KIF16B: variants seen among roughly 807,000 people sequenced by gnomAD.
KIF16B encodes kinesin-like protein KIF16B.
Under a neutral mutation model 156.3 loss-of-function variants are expected in KIF16B, and 98 were observed. The ratio of observed to expected loss-of-function variants is 0.63; its 90% CI spans 0.53 to 0.74. KIF16B has a LOEUF of 0.74. KIF16B is among the 30% of genes least tolerant of loss of function. The pLI, the probability that KIF16B is intolerant of heterozygous loss-of-function variation, is 0.00. For synonymous variants in KIF16B, 564 were observed against 583.7 expected (o/e 0.97, Z 0.49); for missense variants, 1,421 against 1,606.5 (o/e 0.88, Z 1.97).
chr20:16,468,675 G>C (rs192223099), intron 12 of KIF16B, among the ~76,000 whole-genome samples: 1 of 150,842 alleles, frequency 6.6e-6, no homozygotes, highest in African/African-American at 2.4e-5. Context: ...ACAATAGAGA[G>C]TAAATATACG....
At chr20:16,504,054 A>G (rs1030631120) in intron 10 of KIF16B, among the ~76,000 whole-genome samples, 1 of 152,222 alleles carries the variant, frequency 6.6e-6, no homozygotes, top group African/African-American at 2.4e-5. Context: ...TACTATTCTA[A>G]GCATATCAAT....
intron 22 of KIF16B, among the ~76,000 whole-genome samples, chr20:16,359,358 C>T (rs1035176614): frequency 3.3e-5 from 5 of 152,182 alleles, no homozygotes; most frequent in Non-Finnish European, 4.4e-5. Flanking sequence ...CACTCTTTCT[C>T]TTGCTCCTGC....
chr20:16,306,026 C>T (rs1231033183), intron 25 of KIF16B, among the ~76,000 whole-genome samples: 3 of 152,166 alleles, frequency 2.0e-5, no homozygotes, highest in African/African-American at 4.8e-5. Context: ...CAGAGAATTG[C>T]CCCCAGCATC....
intron 12 of KIF16B, among the ~76,000 whole-genome samples, chr20:16,475,260 G>T (rs2067777221): frequency 6.6e-6 from 1 of 152,106 alleles, no homozygotes; most frequent in South Asian, 2.1e-4. Flanking sequence ...CTTTCACAAA[G>T]AACTCATTTT....
At chr20:16,511,287 T>C in intron 6 of KIF16B, 131 bp downstream of exon 6, 1 of 487,518 alleles carries the variant, frequency 2.1e-6, no homozygotes, top group Non-Finnish European at 3.6e-6. Flanking sequence ...GCTCATGACA[T>C]TCTTACTATA....
chr20:16,299,519 T>C (rs1216784194), intron 25 of KIF16B, among the ~76,000 whole-genome samples: 1 of 152,190 alleles, frequency 6.6e-6, no homozygotes. Context: ...TAAGAACTCA[T>C]TTAACATCTG....
intron 1 of KIF16B, among the ~76,000 whole-genome samples, chr20:16,557,760 C>T (rs1458726966): frequency 6.6e-6 from 1 of 152,154 alleles, no homozygotes; most frequent in East Asian, 1.9e-4. Context: ...TCTGTTTGGC[C>T]TGCATGGTTT....
At chr20:16,436,062 C>A (rs2066633399) in intron 12 of KIF16B, among the ~76,000 whole-genome samples, 1 of 152,074 alleles carries the variant, frequency 6.6e-6, no homozygotes, top group Non-Finnish European at 1.5e-5. Context: ...CCTCTTCTTT[C>A]TTGTTCTCTA....
intron 12 of KIF16B, among the ~76,000 whole-genome samples, chr20:16,441,041 T>C (rs140084243): frequency 2.4e-4 from 36 of 152,322 alleles, no homozygotes; most frequent in Middle Eastern, 6.8e-3. Context: ...TAGAGCAGCA[T>C]CTTCTGATCA....
chr20:16,565,264 G>T (rs1268156643), intron 1 of KIF16B, among the ~76,000 whole-genome samples: 2 of 152,194 alleles, frequency 1.3e-5, no homozygotes, highest in South Asian at 2.1e-4. Flanking sequence ...TACCATGTTA[G>T]AAATTAAAAC....
intron 25 of KIF16B, among the ~76,000 whole-genome samples, chr20:16,285,791 C>G (rs1432014574): frequency 1.3e-5 from 2 of 152,152 alleles, no homozygotes; most frequent in Non-Finnish European, 2.9e-5. Context: ...GCACTCCAGT[C>G]TGGGTGAGAG....
At chr20:16,531,422 A>G (rs535129637) in intron 1 of KIF16B, among the ~76,000 whole-genome samples, 1 of 152,346 alleles carries the variant, frequency 6.6e-6, no homozygotes. Flanking sequence ...CCCCTGGTGA[A>G]TTAATGGCTC....
chr20:16,490,581 A>G (rs2068258914), intron 12 of KIF16B, among the ~76,000 whole-genome samples: 1 of 152,002 alleles, frequency 6.6e-6, no homozygotes, highest in African/African-American at 2.4e-5. Flanking sequence ...AAGAAGAGGA[A>G]CCTAGGATAC....
intron 3 of KIF16B, among the ~76,000 whole-genome samples, chr20:16,519,458 C>T (rs1474679652): frequency 6.6e-6 from 1 of 152,148 alleles, no homozygotes; most frequent in Admixed American, 6.5e-5. Context: ...TGGATATAGT[C>T]GCTCCAGTCC....
chr20:16,343,076 C>T lies in KIF16B; in HGVS notation c.3622-7061G>A, dbSNP rs555408064. 9.2e-5 allele frequency among the ~76,000 whole-genome samples: 14 copies of T among 152,278 alleles called. No homozygotes were observed. In the South Asian group the frequency reaches 2.5e-3, roughly 27 times the overall value. On this transcript the variant is annotated intron_variant, in intron 23 of 25. Coordinates refer to ENST00000354981, the MANE Select transcript of KIF16B (RefSeq NM_024704.5). The stretch of plus-strand genomic sequence containing the variant: ...GTACAACAAATAAGTCAGACCAAAA[C>T]ACTGAATTATTTTATTTAATGTTGA...
intron 12 of KIF16B, among the ~76,000 whole-genome samples, chr20:16,432,776 A>T (rs1019658519): frequency 6.6e-6 from 1 of 152,212 alleles, no homozygotes; most frequent in African/African-American, 2.4e-5. Flanking sequence ...AAATAAAAAT[A>T]AAAATCACAA....
intron 22 of KIF16B, among the ~76,000 whole-genome samples, chr20:16,361,488 G>A (rs944316099): frequency 1.3e-5 from 2 of 152,146 alleles, no homozygotes; most frequent in Non-Finnish European, 2.9e-5. Flanking sequence ...CACTGTCTTC[G>A]AAGGCTTGGC....
At chr20:16,425,908 G>T (rs1449282718) in intron 15 of KIF16B, among the ~76,000 whole-genome samples, 2 of 152,124 alleles carry the variant, frequency 1.3e-5, no homozygotes, top group Non-Finnish European at 2.9e-5. Flanking sequence ...GCATGACTGA[G>T]AGGCCTCAGG....
chr20:16,316,907 A>G (rs1366608014), intron 24 of KIF16B, among the ~76,000 whole-genome samples: 1 of 152,174 alleles, frequency 6.6e-6, no homozygotes, highest in African/African-American at 2.4e-5. Context: ...AAAGAAAACA[A>G]CCGAACACCA....
Sources: allele counts gnomAD v4.1 joint callset (sites outside exome capture counted in the v4.1 genomes callset), GRCh38; gene constraint gnomAD v4.1.1; transcripts MANE v1.5; gene names NCBI Gene and HGNC (gene_info 2026-07-23, HGNC 2026-07-21).